C10orf90: variants seen among roughly 807,000 people sequenced by gnomAD.
C10orf90 encodes chromosome 10 open reading frame 90, also known as (E2-independent) E3 ubiquitin-conjugating enzyme FATS.
A neutral mutation model predicts 62.5 loss-of-function variants in C10orf90; 56 were observed. That is an observed-to-expected ratio of 0.90 (90% CI 0.72 to 1.12). The LOEUF is 1.12. C10orf90 is among the 50% of genes most tolerant of loss of function. C10orf90 has a pLI of 0.00. For synonymous variants in C10orf90, 386 were observed against 340.4 expected (o/e 1.13, Z -1.47); for missense variants, 970 against 880.4 (o/e 1.10, Z -1.29).
intron 7 of C10orf90, among the ~76,000 whole-genome samples, chr10:126,437,548 C>T: frequency 6.6e-6 from 1 of 152,038 alleles, no homozygotes; most frequent in East Asian, 1.9e-4. Context: ...GGTTTTGAGG[C>T]TTTGAGGAAG....
rs531577380 is a variant in C10orf90, at chr10:126,645,832, C to A, written c.313+733G>T. Among the ~76,000 whole-genome samples the A allele has an allele frequency of 1.7e-4, 26 of 152,294 alleles. 1 individual carries two copies. In the South Asian group the frequency reaches 5.4e-3, roughly 32 times the overall value. The stretch of plus-strand genomic sequence containing the variant: ...ATATCCACATCCACATACATACAAA[C>A]ACACACATAATCTCATGCACTTTTC... On this transcript the variant is annotated intron_variant, in intron 2 of 9. Coordinates refer to ENST00000488181, the MANE Select transcript of C10orf90 (RefSeq NM_001350921.2).
At chr10:126,613,848 T>C (rs1845488625) in intron 2 of C10orf90, among the ~76,000 whole-genome samples, 1 of 152,162 alleles carries the variant, frequency 6.6e-6, no homozygotes, top group South Asian at 2.1e-4. Flanking sequence ...ATGTTTCACA[T>C]CTGAACAGAA....
At chr10:126,536,360 C>A (rs1047764148) in intron 2 of C10orf90, among the ~76,000 whole-genome samples, 1 of 152,194 alleles carries the variant, frequency 6.6e-6, no homozygotes, top group Non-Finnish European at 1.5e-5. Flanking sequence ...TGGAGCTTGG[C>A]GCTGTCCAAG....
At chr10:126,540,755 T>A (rs1265778165) in intron 2 of C10orf90, among the ~76,000 whole-genome samples, 1 of 150,804 alleles carries the variant, frequency 6.6e-6, no homozygotes, top group Non-Finnish European at 1.5e-5. Context: ...AAACCTACAC[T>A]AAGGCAGTAT....
Position 126,621,465 on chromosome 10 carries a change from G to A in C10orf90, c.313+25100C>T, listed in dbSNP as rs574898509. Among the ~76,000 whole-genome samples the A allele has an allele frequency of 4.0e-4, 61 of 152,242 alleles. 1 individual carries two copies. The highest frequency in any genetic ancestry group is 5.7e-4 in the Non-Finnish European group (39 of 68,020). On this transcript the variant is annotated intron_variant, in intron 2 of 9. Coordinates refer to ENST00000488181, the MANE Select transcript of C10orf90 (RefSeq NM_001350921.2). ...ACAATGTGGAATTTCTCTTCATATC[G>A]TTGGTGGCTGGTAAGTGATTGGCAT...
chr10:126,586,539 G>A (rs983643400), intron 2 of C10orf90, among the ~76,000 whole-genome samples: 1 of 152,052 alleles, frequency 6.6e-6, no homozygotes, highest in African/African-American at 2.4e-5. Flanking sequence ...TTGCTGGCCC[G>A]GCACCTTCGA....
intron 7 of C10orf90, among the ~76,000 whole-genome samples, chr10:126,451,353 T>G (rs1190973983): frequency 6.6e-6 from 1 of 152,166 alleles, no homozygotes. Flanking sequence ...GAAATCAGTA[T>G]GTTGACGAGG....
chr10:126,612,781 C>T (rs1156632442), intron 2 of C10orf90, among the ~76,000 whole-genome samples: 1 of 152,194 alleles, frequency 6.6e-6, no homozygotes, highest in Non-Finnish European at 1.5e-5. Flanking sequence ...TTTCTGAAAA[C>T]TCTTCTGTGA....
At chr10:126,470,617 G>T (rs990396636) in intron 4 of C10orf90, among the ~76,000 whole-genome samples, 16 of 147,688 alleles carry the variant, frequency 1.1e-4, no homozygotes, top group African/African-American at 4.3e-4. Context: ...AAGCATGGTG[G>T]TATGTGCCTG....
Position 126,480,487 on chromosome 10 carries a change from T to C in C10orf90, c.1535-15501A>G, listed in dbSNP as rs1364275813. 2.6e-5 allele frequency among the ~76,000 whole-genome samples: 4 copies of C among 152,262 alleles called. No homozygotes were observed. The East Asian group carries it at 7.7e-4, about 29-fold the overall frequency. Reference sequence around the variant, plus strand: ...TTACAGGCATGTTTAAACACGGCTATACCTCCATGTACCATTTGGCCCAGA... The same window carrying C: ...TTACAGGCATGTTTAAACACGGCTACACCTCCATGTACCATTTGGCCCAGA... On this transcript the variant is annotated intron_variant, in intron 4 of 9. Coordinates refer to ENST00000488181, the MANE Select transcript of C10orf90 (RefSeq NM_001350921.2).
At chr10:126,629,109 GA>G (rs1845804084) in intron 2 of C10orf90, among the ~76,000 whole-genome samples, 4 of 152,230 alleles carry the variant, frequency 2.6e-5, no homozygotes, top group Admixed American at 2.6e-4. Context: ...ATCAGGATTG[GA>G]AGACAGAAGC....
chr10:126,445,604 A>C (rs1459099866), intron 7 of C10orf90, among the ~76,000 whole-genome samples: 1 of 152,122 alleles, frequency 6.6e-6, no homozygotes, highest in Non-Finnish European at 1.5e-5. Context: ...AAAACAGTGT[A>C]GAGATTCCTT....
intron 2 of C10orf90, among the ~76,000 whole-genome samples, chr10:126,553,637 T>A (rs1864689596): frequency 6.6e-6 from 1 of 152,196 alleles, no homozygotes; most frequent in South Asian, 2.1e-4. Flanking sequence ...TAGTATTCAA[T>A]ACAGTCATGC....
chr10:126,453,575 G>A lies in C10orf90; in HGVS notation c.2188+5465C>T, dbSNP rs918085715. Among the ~76,000 whole-genome samples the A allele has an allele frequency of 4.6e-5, 7 of 152,162 alleles. No homozygotes were observed. The highest frequency in any genetic ancestry group is 1.9e-4 in the East Asian group (1 of 5,188). Reference sequence around the variant, plus strand: ...GCCATGGAAGAGGACCCGGACAGGCGTCCTCAGAGGGGGAAATGAGCTGAG... The same window carrying A: ...GCCATGGAAGAGGACCCGGACAGGCATCCTCAGAGGGGGAAATGAGCTGAG... On this transcript the variant is annotated intron_variant, in intron 7 of 9. Transcript: ENST00000488181. The surrounding 1 kb of genome is among the most constrained non-coding windows in gnomAD (Gnocchi z 4.9).
chr10:126,459,359 T>C, intron 6 of C10orf90, 142 bp from the exon 7 acceptor site: 1 of 893,980 alleles, frequency 1.1e-6, no homozygotes, highest in Non-Finnish European at 1.7e-6. Flanking sequence ...GTCACGCTTT[T>C]CTTGCACATC....
chr10:126,619,860 C>T (rs561143377), intron 2 of C10orf90, among the ~76,000 whole-genome samples: 5 of 152,166 alleles, frequency 3.3e-5, no homozygotes, highest in South Asian at 2.1e-4. Flanking sequence ...AAGCTGGACT[C>T]GAGCTCCTGG....
At chr10:126,590,263 C>T (rs756272461) in intron 2 of C10orf90, among the ~76,000 whole-genome samples, 5 of 152,072 alleles carry the variant, frequency 3.3e-5, no homozygotes, top group East Asian at 3.9e-4. Flanking sequence ...ACCCCACTGA[C>T]GATATTAGAC....
At chr10:126,427,823 T>C (rs1374432204) in intron 8 of C10orf90, among the ~76,000 whole-genome samples, 1 of 152,194 alleles carries the variant, frequency 6.6e-6, no homozygotes, top group Non-Finnish European at 1.5e-5. Flanking sequence ...CTTCCCCAGC[T>C]TGCGTATCAT....
At chr10:126,479,095 G>A (rs1030917699) in intron 4 of C10orf90, among the ~76,000 whole-genome samples, 2 of 152,158 alleles carry the variant, frequency 1.3e-5, no homozygotes, top group African/African-American at 4.8e-5. Context: ...CTGAACTCCC[G>A]CTGTACCGCA....
Sources: allele counts gnomAD v4.1 joint callset (sites outside exome capture counted in the v4.1 genomes callset), GRCh38; gene constraint gnomAD v4.1.1; non-coding constraint Gnocchi (gnomAD v3.1); transcripts MANE v1.5; gene names NCBI Gene and HGNC (gene_info 2026-07-23, HGNC 2026-07-21).